CSMD1: variants seen among roughly 807,000 people sequenced by gnomAD.
CSMD1 encodes CUB and Sushi multiple domains 1, also known as CUB and sushi domain-containing protein 1.
A neutral mutation model predicts 417.5 loss-of-function variants in CSMD1; 213 were observed. That is an observed-to-expected ratio of 0.51 (90% CI 0.46 to 0.57). The LOEUF is 0.57. Ranked by LOEUF, CSMD1 falls within the 20% of genes least tolerant of loss-of-function variation. The probability of loss-of-function intolerance (pLI) is 0.00; values close to 1 mark genes in which losing one functional copy is unlikely to be tolerated. For synonymous variants in CSMD1, 2,862 were observed against 1,736.8 expected (o/e 1.65, Z -16.11); for missense variants, 6,923 against 4,529.7 (o/e 1.53, Z -15.17).
intron 6 of CSMD1, among the ~76,000 whole-genome samples, chr8:3,745,805 G>A (rs1207988490): frequency 2.6e-5 from 4 of 152,196 alleles, no homozygotes; most frequent in East Asian, 3.9e-4. Context: ...TGTAACCTGT[G>A]CCTTTGAAGG....
chr8:4,851,299 A>G (rs1483597759), intron 1 of CSMD1, among the ~76,000 whole-genome samples: 4 of 152,024 alleles, frequency 2.6e-5, no homozygotes, highest in Non-Finnish European at 5.9e-5. Flanking sequence ...ATGACTGCAT[A>G]GTATTCTATG....
At chr8:3,200,143 T>C (rs1202687223) in intron 32 of CSMD1, among the ~76,000 whole-genome samples, 1 of 152,172 alleles carries the variant, frequency 6.6e-6, no homozygotes, top group African/African-American at 2.4e-5. Flanking sequence ...ACTCTGATTT[T>C]AGTTAAAATT....
intron 3 of CSMD1, among the ~76,000 whole-genome samples, chr8:4,162,151 G>A (rs544772437): frequency 4.9e-4 from 74 of 152,254 alleles, no homozygotes; most frequent in African/African-American, 1.7e-3. Flanking sequence ...GTGCGACATC[G>A]TAATTAGTTT....
At chr8:4,486,908 G>A (rs561257188) in intron 2 of CSMD1, among the ~76,000 whole-genome samples, 9 of 152,206 alleles carry the variant, frequency 5.9e-5, no homozygotes, top group East Asian at 1.9e-4. Context: ...GGGGGAATTA[G>A]AATTTAATTA....
chr8:4,416,218 A>G lies in CSMD1; in HGVS notation c.415+3735T>C, dbSNP rs78168763. On this transcript the variant is annotated intron_variant, in intron 3 of 69. Coordinates refer to ENST00000635120, the MANE Select transcript of CSMD1 (RefSeq NM_033225.6). The stretch of plus-strand genomic sequence containing the variant: ...TTTTGATTCAGAGCTGCTGCTTTCT[A>G]TCCAAAGAAAGGTTGGATTATGTAC... 6.1e-3 allele frequency among the ~76,000 whole-genome samples: 922 copies of G among 152,300 alleles called. 35 individuals carry two copies. In the East Asian group the frequency reaches 0.098, roughly 16 times the overall value.
At chr8:3,882,093 A>G (rs1018929715) in intron 5 of CSMD1, among the ~76,000 whole-genome samples, 2 of 152,206 alleles carry the variant, frequency 1.3e-5, no homozygotes, top group African/African-American at 4.8e-5. Context: ...AATTTAAGAA[A>G]TTCTGGTCAA....
intron 1 of CSMD1, among the ~76,000 whole-genome samples, chr8:4,870,625 A>G (rs1443243341): frequency 6.6e-6 from 1 of 152,116 alleles, no homozygotes; most frequent in African/African-American, 2.4e-5. Flanking sequence ...ATTAGGAGGT[A>G]AAATCCCAGC....
chr8:3,460,025 C>A (rs1816397797), intron 12 of CSMD1, among the ~76,000 whole-genome samples: 3 of 152,200 alleles, frequency 2.0e-5, no homozygotes, highest in Admixed American at 6.5e-5. Flanking sequence ...GCAGCTTCTG[C>A]ACAGCTGCAC....
chr8:4,427,508 CACACAT>C (rs1160857725), intron 2 of CSMD1, among the ~76,000 whole-genome samples: 12 of 152,034 alleles, frequency 7.9e-5, no homozygotes, highest in East Asian at 7.8e-4. Flanking sequence ...CACACACACA[CACACAT>C]GCACACTCAA....
chr8:3,251,992 G>C (rs554146182), intron 26 of CSMD1, among the ~76,000 whole-genome samples: 158 of 152,224 alleles, frequency 1.0e-3, no homozygotes, highest in Admixed American at 2.2e-3. Flanking sequence ...TCTAGATATA[G>C]AATCATGTCA....
In CSMD1 at chr8:3,387,512, C is replaced by T. The variant is rs771033685; in HGVS notation, c.2764G>A (p.Ala922Thr). ...VCERNHQWNH[A>T]LPSCDALCGG... ...TACCTACCGTCGCAGCTGGGCAAGG[C>T]GTGGTTCCACTGGTGGTTCCTCTCA... The change falls in exon 18 of 70, where the codon GCC becomes ACC. Residue 922 changes from alanine (A) to threonine (T), a missense_variant. Physicochemically the swap from Ala to Thr is moderately conservative, Grantham distance 58. Transcript: ENST00000635120. The T allele has an allele frequency of 1.9e-6, 3 of 1,600,852 alleles. No individual in the cohort carries two copies. The highest frequency in any genetic ancestry group is 2.3e-5 in the South Asian group (2 of 88,384).
rs749716747 is a variant in CSMD1, at chr8:2,978,754, G to A, written c.8424C>T (p.His2808=). ...DPGFVENAIR[H]GQQNFPESFE... ...AACTCTCAGGGAAGTTCTGTTGCCC[G>A]TGACGAATGGCATTTTCCACAAAGC... Residue 2808 remains histidine, a synonymous_variant, in exon 55 of 70, where the codon CAC becomes CAT. Transcript: ENST00000635120. 10 of 1,613,416 alleles carry A rather than the reference G, an allele frequency of 6.2e-6. No homozygotes were observed. The highest frequency in any genetic ancestry group is 2.2e-5 in the East Asian group (1 of 44,840).
intron 2 of CSMD1, among the ~76,000 whole-genome samples, chr8:4,512,558 C>G (rs1456869086): frequency 6.6e-6 from 1 of 152,070 alleles, no homozygotes; most frequent in Non-Finnish European, 1.5e-5. Context: ...AAATCACCTT[C>G]CTAGAACTAA....
Position 4,295,444 on chromosome 8 carries a change from T to C in CSMD1, c.415+124509A>G, listed in dbSNP as rs1253015269. Among the ~76,000 whole-genome samples the C allele has an allele frequency of 4.9e-5, 7 of 143,902 alleles. No individual in the cohort carries two copies. In the South Asian group the frequency reaches 1.1e-3, roughly 23 times the overall value. 94.4% of individuals were successfully genotyped at this position (143,902 alleles called of 152,430 possible). ...ACATATAATCTTAAGATATATATAA[T>C]CTTATTATACACATATAATCTTATT... On this transcript the variant is annotated intron_variant, in intron 3 of 69. Transcript: ENST00000635120.
At chr8:4,153,343 G>C (rs1308595342) in intron 3 of CSMD1, among the ~76,000 whole-genome samples, 2 of 152,170 alleles carry the variant, frequency 1.3e-5, no homozygotes, top group African/African-American at 2.4e-5. Context: ...TTGTGAACTT[G>C]ACTGTGTCTC....
At chr8:3,613,701 A>C (rs1307621204) in intron 8 of CSMD1, among the ~76,000 whole-genome samples, 1 of 105,378 alleles carries the variant, frequency 9.5e-6, no homozygotes, top group Non-Finnish European at 2.0e-5. Flanking sequence ...TGTCAGATTA[A>C]AACACACACA....
chr8:2,962,442 C>T lies in CSMD1; in HGVS notation c.9628+24G>A, dbSNP rs777495559. 1.9e-6 allele frequency: 3 copies of T among 1,603,216 alleles called. No individual in the cohort carries two copies. The Admixed American group carries it at 5.0e-5, about 27-fold the overall frequency. ...CATCTCCAAATACTCCCAGGTATCC[C>T]CAGAGCTGTATGATAATTATTACCA... is the stretch of plus-strand genomic sequence containing the variant. On this transcript the variant is annotated intron_variant, in intron 61 of 69. Transcript: ENST00000635120.
intron 1 of CSMD1, among the ~76,000 whole-genome samples, chr8:4,958,731 C>A (rs914044408): frequency 1.3e-5 from 2 of 151,856 alleles, no homozygotes; most frequent in Middle Eastern, 6.3e-3. Context: ...ATAAATGAAG[C>A]TTTTATATAA....
At chr8:4,832,741 A>G (rs1365666943) in intron 1 of CSMD1, among the ~76,000 whole-genome samples, 2 of 152,318 alleles carry the variant, frequency 1.3e-5, no homozygotes, top group South Asian at 4.1e-4. Context: ...AAGTGGAGAG[A>G]GATTACTGAT....
Sources: allele counts gnomAD v4.1 joint callset (sites outside exome capture counted in the v4.1 genomes callset), GRCh38; gene constraint gnomAD v4.1.1; transcripts MANE v1.5; gene names NCBI Gene and HGNC (gene_info 2026-07-23, HGNC 2026-07-21).